The following KIF24 variants were observed in gnomAD, a reference collection of about 807,000 sequenced individuals.
KIF24 encodes the protein kinesin family member 24.
Under a neutral mutation model 118.9 loss-of-function variants are expected in KIF24, and 81 were observed. The ratio of observed to expected loss-of-function variants is 0.68; its 90% CI spans 0.57 to 0.82. The LOEUF (loss-of-function observed/expected upper bound fraction) is 0.82, where lower values mean the gene tolerates loss of function less well. KIF24 is among the 40% of genes least tolerant of loss of function. The pLI is 0.00. For synonymous variants in KIF24, 599 were observed against 610.0 expected, an observed-to-expected ratio of 0.98 and a Z score of 0.27; for missense variants, 1,560 against 1,661.6, an observed-to-expected ratio of 0.94 and a Z score of 1.06.
chr9:34,295,191 GGATAGACA>G (rs1307228372), intron 4 of KIF24, among the ~76,000 whole-genome samples: 4 of 109,514 alleles, frequency 3.7e-5, no homozygotes, highest in Non-Finnish European at 6.0e-5. Flanking sequence ...TTGGATGGAT[GGATAGACA>G]GACAGACAGA....
chr9:34,301,130 G>A (rs1005404211), intron 3 of KIF24, among the ~76,000 whole-genome samples: 3 of 152,126 alleles, frequency 2.0e-5, no homozygotes, highest in East Asian at 1.9e-4. Flanking sequence ...TATAGTTAAT[G>A]TATATACACA....
intron 1 of KIF24, chr9:34,319,086 G>A (rs1837428511): frequency 1.5e-6 from 2 of 1,335,522 alleles, no homozygotes; most frequent in African/African-American, 1.4e-5. Flanking sequence ...ATGGTGACTC[G>A]GTTCTATACC....
chr9:34,256,651 T>A lies in KIF24; in HGVS notation c.2956A>T (p.Thr986Ser), dbSNP rs147787588. 1.1e-4 allele frequency: 177 copies of A among 1,613,848 alleles called. No individual in the cohort carries two copies. The highest frequency in any genetic ancestry group is 1.5e-4 in the Non-Finnish European group (172 of 1,179,890). The change falls in exon 11 of 13, where the codon ACT (threonine) becomes TCT (serine). Residue 986 changes from threonine (T) to serine (S), a missense_variant. By Grantham distance (58) the Thr-to-Ser change is moderately conservative (BLOSUM62 1). This residue lies in a region of KIF24 where 591 missense variants were observed against 655.6 expected (regional missense o/e 0.90). Coordinates refer to ENST00000402558, the MANE Select transcript of KIF24 (RefSeq NM_194313.4). The stretch of plus-strand genomic sequence containing the variant: ...ACTGCAACGTGGGACAATGAGATAG[T>A]GAAACCATCTTCCTCTGGGGATGGC... Reference protein sequence around the residue: ...NLPSPEEDGFTISLSHVAVPG... With the variant: ...NLPSPEEDGFSISLSHVAVPG...
intron 1 of KIF24, chr9:34,319,608 G>T: frequency 1.1e-6 from 1 of 915,040 alleles, no homozygotes. Flanking sequence ...GCTGTTCACT[G>T]GGCACCTGGT....
chr9:34,278,895 C>T (rs944424043), intron 6 of KIF24, among the ~76,000 whole-genome samples: 1 of 152,122 alleles, frequency 6.6e-6, no homozygotes, highest in Non-Finnish European at 1.5e-5. Context: ...GATAGAGGAT[C>T]ACTTGAGCCC....
chr9:34,322,572 G>A (rs1466236327), intron 1 of KIF24, among the ~76,000 whole-genome samples: 2 of 152,062 alleles, frequency 1.3e-5, no homozygotes, highest in Non-Finnish European at 2.9e-5. Flanking sequence ...ACTGATACAA[G>A]GCCAGGCACT....
At chr9:34,305,270 A>T (rs1836868121) in intron 3 of KIF24, among the ~76,000 whole-genome samples, 1 of 152,144 alleles carries the variant, frequency 6.6e-6, no homozygotes, top group African/African-American at 2.4e-5. Context: ...GTTTTATTTA[A>T]ACCCTTATAT....
At position 34,290,162 on chromosome 9, in the gene KIF24, C is replaced by T. The variant is rs371842669; in HGVS notation, c.1127+12G>A. On this transcript the variant is annotated intron_variant, in intron 5 of 12. Coordinates refer to ENST00000402558, the MANE Select transcript of KIF24 (RefSeq NM_194313.4). ...ATGAACAGATTTATCGCTTCCCACT[C>T]ATATTCAGTACCTTTTTCTTCTATT... 1.3e-6 allele frequency: 2 copies of T among 1,579,784 alleles called. No individual in the cohort carries two copies. Among genetic ancestry groups the T allele is most frequent in the Non-Finnish European group, 1.7e-6 (2 of 1,149,736 alleles).
At chr9:34,289,934 G>A (rs1372513662) in intron 5 of KIF24, among the ~76,000 whole-genome samples, 2 of 152,158 alleles carry the variant, frequency 1.3e-5, no homozygotes, top group African/African-American at 4.8e-5. Flanking sequence ...AAAAGGGAAA[G>A]TCTTTTGATA....
intron 9 of KIF24, among the ~76,000 whole-genome samples, chr9:34,262,668 AAAAAAAAATATATATATATAT>A (rs1835116078): frequency 2.0e-5 from 1 of 48,964 alleles, no homozygotes; most frequent in Non-Finnish European, 3.8e-5. Flanking sequence ...AAAAAAAAAA[AAAAAAAAATATATATATATAT>A]ATATATATAT....
At chr9:34,264,788 C>T (rs1835224248) in intron 8 of KIF24, among the ~76,000 whole-genome samples, 1 of 152,064 alleles carries the variant, frequency 6.6e-6, no homozygotes, top group Admixed American at 6.6e-5. Context: ...CTCTCTCACC[C>T]TCCCAACTTA....
intron 6 of KIF24, among the ~76,000 whole-genome samples, chr9:34,278,887 T>C (rs891320799): frequency 6.6e-6 from 1 of 152,146 alleles, no homozygotes; most frequent in Non-Finnish European, 1.5e-5. Flanking sequence ...GAGGCTGAGA[T>C]AGAGGATCAC....
chr9:34,255,167 TG>T lies in KIF24; in HGVS notation c.3873-3del. ...TGGTGTGCTCGGATGACCACCTGCCTGGGAACACCAGAGAGAACACTGTGAT... is the reference window on the plus strand; with the variant it reads ...TGGTGTGCTCGGATGACCACCTGCCTGGAACACCAGAGAGAACACTGTGAT... On this transcript the variant is annotated splice_polypyrimidine_tract_variant and splice_region_variant and intron_variant, in intron 11 of 12. Transcript: ENST00000402558. The T allele has an allele frequency of 6.4e-7, 1 of 1,556,132 alleles. No homozygotes were observed. Among genetic ancestry groups the T allele is most frequent in the Non-Finnish European group, 8.7e-7 (1 of 1,142,898 alleles).
rs772656196 is a variant in KIF24, at chr9:34,254,481, C to G, written c.4006G>C (p.Val1336Leu). 1.2e-6 allele frequency: 2 copies of G among 1,613,828 alleles called. No individual in the cohort carries two copies. Among genetic ancestry groups the G allele is most frequent in the East Asian group, 4.5e-5 (2 of 44,834 alleles). The stretch of plus-strand genomic sequence containing the variant: ...CTCTGGATACACTTGGATTTCAGAA[C>G]CATGATTTCATCCAGCTGGGTCACA... Reference protein sequence around the residue: ...DFVTQLDEIMVLKSKCIQSLR... With the variant: ...DFVTQLDEIMLLKSKCIQSLR... Residue 1336 changes from valine (V) to leucine (L), a missense_variant, in exon 13 of 13, where the codon GTT (valine) becomes CTT (leucine). Transcript: ENST00000402558.
At chr9:34,330,063 G>A (rs1161181636), upstream of KIF24, among the ~76,000 whole-genome samples, 3 of 152,198 alleles carry the variant, frequency 2.0e-5, no homozygotes, top group Non-Finnish European at 4.4e-5. Context: ...AAAGAAAGTC[G>A]AACAAGAGCC....
Position 34,310,799 on chromosome 9 carries a change from TC to T in KIF24, c.547del (p.Asp183IlefsTer53). 2 of 1,612,382 alleles carry T rather than the reference TC, an allele frequency of 1.2e-6. No homozygotes were observed. The highest frequency in any genetic ancestry group is 1.7e-6 in the Non-Finnish European group (2 of 1,178,492). On this transcript the variant is annotated frameshift_variant, in exon 2 of 13. Coordinates refer to ENST00000402558, the MANE Select transcript of KIF24 (RefSeq NM_194313.4). LOFTEE classifies it high-confidence loss of function. ...SPNYLSAILG[D>X]CDIPIIQRIS... ...TCTTTGAATAATGGGAATATCACAA[TC>T]CCCCAGTATTGCAGAAAGGTAATTT...
chr9:34,265,155 A>G (rs1835239933), intron 8 of KIF24, among the ~76,000 whole-genome samples: 1 of 152,166 alleles, frequency 6.6e-6, no homozygotes, highest in Non-Finnish European at 1.5e-5. Flanking sequence ...TTAAAACCAC[A>G]TAATTTTTTT....
At position 34,318,739 on chromosome 9, in the gene KIF24, C is replaced by T. The variant is rs1837414774; in HGVS notation, c.-25-7368G>A. On this transcript the variant is annotated intron_variant, in intron 1 of 12. Coordinates refer to ENST00000402558, the MANE Select transcript of KIF24 (RefSeq NM_194313.4). The surrounding 1 kb of genome is among the most constrained non-coding windows in gnomAD (Gnocchi z 4.9). ...ACGAGGAGGTGCACGCCGGCGTGGG[C>T]GAGCCGCTGCGTTCACTCAGCAACT... 1.3e-6 allele frequency: 2 copies of T among 1,501,430 alleles called. No homozygotes were observed. The highest frequency in any genetic ancestry group is 2.4e-5 in the East Asian group (1 of 42,008). The allele number at this position is 1,501,430 out of a possible 1,614,324, so 93.0% of individuals were successfully genotyped here. A position where few individuals can be genotyped will look rare whatever the true frequency, so the allele number is the denominator to read the frequency against.
chr9:34,279,052 C>T (rs1024124451), intron 6 of KIF24, among the ~76,000 whole-genome samples: 3 of 152,086 alleles, frequency 2.0e-5, no homozygotes, highest in African/African-American at 7.2e-5. Flanking sequence ...TGCAGTGACC[C>T]GTGATTGCAC....
Sources: allele counts gnomAD v4.1 joint callset (sites outside exome capture counted in the v4.1 genomes callset), GRCh38; gene constraint gnomAD v4.1.1; regional missense constraint gnomAD v4.1.1; non-coding constraint Gnocchi (gnomAD v3.1); transcripts MANE v1.5; gene names NCBI Gene and HGNC (gene_info 2026-07-23, HGNC 2026-07-21).